Variants in AIFM1 observed in about 807,000 individuals in gnomAD.
AIFM1 encodes the protein apoptosis-inducing factor 1, mitochondrial.
AIFM1 carries 3 observed loss-of-function variants against 51.7 expected under a neutral mutation model. The observed-to-expected ratio is 0.06, with a 90% CI of 0.03 to 0.15. The LOEUF is 0.15. Ranked by LOEUF, AIFM1 falls within the 10% of genes least tolerant of loss-of-function variation. AIFM1 has a pLI of 1.00. For synonymous variants in AIFM1, 178 were observed against 179.4 expected (o/e 0.99, Z 0.06); for missense variants, 330 against 476.8 (o/e 0.69, Z 2.87).
intron 9 of AIFM1, 86 bp downstream of exon 9, chrX:130,138,507 T>C (rs1447015348): frequency 2.9e-6 from 2 of 682,215 alleles, no homozygotes; most frequent in Non-Finnish European, 4.8e-6. Context: ...CTCTTCCTAC[T>C]GATCCTGCCA....
intron 13 of AIFM1, 112 bp from the exon 14 acceptor site, chrX:130,131,911 G>T: frequency 1.0e-6 from 1 of 990,297 alleles, no homozygotes; most frequent in Non-Finnish European, 1.4e-6. Flanking sequence ...TTCACTCGTT[G>T]CCCAGGCTGG....
intron 1 of AIFM1, among the ~76,000 whole-genome samples, chrX:130,158,392 A>T (rs987217552): frequency 8.9e-6 from 1 of 112,411 alleles, no homozygotes; most frequent in Non-Finnish European, 1.9e-5. Context: ...CCCGATCTAG[A>T]GCAGTGGTTT....
intron 11 of AIFM1, 56 bp from the exon 12 acceptor site, chrX:130,136,241 A>T (rs1414166073): frequency 8.5e-7 from 1 of 1,173,258 alleles, no homozygotes; most frequent in Non-Finnish European, 1.2e-6. Flanking sequence ...TTATGCCTAC[A>T]GGCGTAACAA....
At chrX:130,137,972 G>C (rs770391543) in intron 9 of AIFM1, 12 of 122,686 alleles carry the variant, frequency 9.8e-5, no homozygotes, top group Non-Finnish European at 1.7e-4. Context: ...TGAGACAGGA[G>C]AATCGCTTGA....
intron 14 of AIFM1, among the ~76,000 whole-genome samples, chrX:130,130,702 A>G (rs754501447): frequency 8.9e-6 from 1 of 112,666 alleles, no homozygotes; most frequent in Non-Finnish European, 1.9e-5. Flanking sequence ...ATCGCAGCAG[A>G]AAGTTCTATT....
chrX:130,136,803 C>T, intron 10 of AIFM1, 72 bp from the exon 11 acceptor site: 1 of 1,092,866 alleles, frequency 9.2e-7, no homozygotes, highest in Non-Finnish European at 1.3e-6. Flanking sequence ...GAAAGCTGAC[C>T]AGCGGTCTCC....
chrX:130,132,687 G>T (rs2030144552), intron 13 of AIFM1, among the ~76,000 whole-genome samples: 1 of 111,258 alleles, frequency 9.0e-6, no homozygotes, highest in Admixed American at 9.5e-5. Context: ...AGAGGCATGA[G>T]CAACCATACC....
In AIFM1 at chrX:130,137,148, G is replaced by C. The variant is rs371944474; in HGVS notation, c.1005C>G (p.Pro335=). Residue 335 remains proline (P), a synonymous_variant, in exon 10 of 16, where the codon CCC becomes CCG. Coordinates refer to ENST00000287295, the MANE Select transcript of AIFM1 (RefSeq NM_004208.4). ...GGATCTTTCCCATATTTCCTTTCTC[G>C]GGGAAGAGTTGAATCACTTCTGTGC... The part of the protein sequence containing the change: ...ALGTEVIQLF[P]EKGNMGKILP... The C allele has an allele frequency of 8.3e-7, 1 of 1,209,500 alleles. No homozygotes were observed. Among genetic ancestry groups the C allele is most frequent in the Non-Finnish European group, 1.1e-6 (1 of 895,172 alleles).
intron 14 of AIFM1, among the ~76,000 whole-genome samples, chrX:130,131,474 T>C (rs1368257329): frequency 4.4e-5 from 5 of 112,368 alleles, no homozygotes; most frequent in African/African-American, 1.6e-4. Context: ...TTTGAATCTA[T>C]GCTTTGACCA....
chrX:130,133,407 C>T lies in AIFM1; in HGVS notation c.1354G>A (p.Val452Ile), dbSNP rs1366932723. The change falls in exon 13 of 16, where the codon GTA (valine) becomes ATA (isoleucine). Residue 452 changes from valine (V) to isoleucine (I), a missense_variant. Transcript: ENST00000287295. Reference sequence around the variant, plus strand: ...ACAACAGCGTGATCATGGTGCTCTACCCGCCTCCTTCCCAACTTTATATCG... The same window carrying T: ...ACAACAGCGTGATCATGGTGCTCTATCCGCCTCCTTCCCAACTTTATATCG... ...FYDIKLGRRR[V>I]EHHDHAVVSG... 1.7e-6 allele frequency: 2 copies of T among 1,208,430 alleles called. No individual in the cohort carries two copies. The highest frequency in any genetic ancestry group is 3.5e-5 in the African/African-American group (2 of 56,664).
chrX:130,162,358 T>G (rs1411463051), intron 1 of AIFM1, among the ~76,000 whole-genome samples: 1 of 111,938 alleles, frequency 8.9e-6, no homozygotes, highest in East Asian at 2.8e-4. Flanking sequence ...CATATGAATG[T>G]CAAGGGGCTT....
chrX:130,153,554 T>A (rs1319037935), intron 2 of AIFM1, among the ~76,000 whole-genome samples: 1 of 111,131 alleles, frequency 9.0e-6, no homozygotes, highest in Non-Finnish European at 1.9e-5. Context: ...ATTCCTATAT[T>A]GAAGCCTTAA....
intron 7 of AIFM1, 32 bp downstream of exon 7, chrX:130,140,501 C>G (rs755994312): frequency 8.8e-7 from 1 of 1,132,790 alleles, no homozygotes. Context: ...TGAGCTGTAT[C>G]AGGGAAGAAA....
rs1043351232 is a variant in AIFM1, at chrX:130,137,080, C to T, written c.1073G>A (p.Arg358Gln). 5.8e-6 allele frequency: 7 copies of T among 1,209,209 alleles called. No homozygotes were observed. Among genetic ancestry groups the T allele is most frequent in the African/African-American group, 5.3e-5 (3 of 56,954 alleles). Residue 358 changes from arginine (R) to glutamine (Q), a missense_variant and splice_region_variant, in exon 10 of 16, where the codon CGA (arginine) becomes CAA (glutamine). Transcript: ENST00000287295. ...GCATATAGAAACAGTCTCTCTACCT[C>T]GTCTGACTTTTTCCATGGTCCAGTT... ...LSNWTMEKVR[R>Q]EGVKVMPNAI...
intron 3 of AIFM1, 134 bp downstream of exon 3, chrX:130,149,335 C>T: frequency 1.8e-6 from 1 of 569,021 alleles, no homozygotes; most frequent in East Asian, 3.4e-5. Context: ...TAGGGTAATA[C>T]CATACTTTCT....
At chrX:130,155,851 G>A (rs1392873248) in intron 2 of AIFM1, among the ~76,000 whole-genome samples, 1 of 111,481 alleles carries the variant, frequency 9.0e-6, no homozygotes, top group Non-Finnish European at 1.9e-5. Flanking sequence ...TAAGCTGATC[G>A]GAGTTCATTT....
chrX:130,141,224 A>G (rs1321755152), intron 6 of AIFM1, among the ~76,000 whole-genome samples: 2 of 112,293 alleles, frequency 1.8e-5, no homozygotes, highest in Non-Finnish European at 3.8e-5. Context: ...CTTGACCTAA[A>G]GCGATCCTTA....
intron 3 of AIFM1, among the ~76,000 whole-genome samples, chrX:130,149,085 CT>C (rs1352071034): frequency 2.8e-5 from 3 of 108,105 alleles, no homozygotes; most frequent in African/African-American, 1.0e-4. Flanking sequence ...CCACGCCTGG[CT>C]AATTTTTGTA....
At position 130,133,453 on chromosome X, in the gene AIFM1, T is replaced by C. The variant is rs1167030861; in HGVS notation, c.1308A>G (p.Ala436=). The C allele has an allele frequency of 1.7e-6, 2 of 1,206,587 alleles. No homozygotes were observed. Among genetic ancestry groups the C allele is most frequent in the Non-Finnish European group, 2.2e-6 (2 of 894,274 alleles). The change falls in exon 13 of 16, where the codon GCA becomes GCG. Residue 436 remains alanine (A), a splice_region_variant and synonymous_variant. Transcript: ENST00000287295. ...ELQARSNIWV[A]GDAACFYDIK... ...TATCGTAGAAGCATGCAGCATCTCC[T>C]GCCTGTGGAAACAAATACATAACAT...
Sources: allele counts gnomAD v4.1 joint callset (sites outside exome capture counted in the v4.1 genomes callset), GRCh38; gene constraint gnomAD v4.1.1; transcripts MANE v1.5; gene names NCBI Gene and HGNC (gene_info 2026-07-23, HGNC 2026-07-21).